CSPP1: variants seen among roughly 807,000 people sequenced by gnomAD.
The protein encoded by CSPP1 is centrosome and spindle pole-associated protein 1.
A neutral mutation model predicts 164.4 loss-of-function variants in CSPP1; 126 were observed. That is an observed-to-expected ratio of 0.77 (90% CI 0.66 to 0.89). The LOEUF is 0.89. Among genes scored for constraint, CSPP1 ranks in the 40% least tolerant of loss-of-function variants. CSPP1 has a pLI of 0.00. For missense variants in CSPP1, 1,395 were observed against 1,449.8 expected, an observed-to-expected ratio of 0.96 and a Z score of 0.61; for synonymous variants, 472 against 476.7, an observed-to-expected ratio of 0.99 and a Z score of 0.13.
In CSPP1 at chr8:67,074,309, CAA is replaced by C. The variant is rs766020802; in HGVS notation, c.59_60del (p.Lys20SerfsTer6). 132 of 1,609,964 alleles carry C rather than the reference CAA, an allele frequency of 8.2e-5. No homozygotes were observed. Among genetic ancestry groups the C allele is most frequent in the Non-Finnish European group, 1.1e-4 (128 of 1,177,934 alleles). On this transcript the variant is annotated frameshift_variant, in exon 2 of 31. Coordinates refer to ENST00000678616, the MANE Select transcript of CSPP1 (RefSeq NM_001382391.1). LOFTEE classifies it high-confidence loss of function. The stretch of plus-strand genomic sequence containing the variant: ...AGCAAAAAGCCAGATTGGCCGAAGA[CAA>C]AGCAGAGTTGGAAAGTGATCCACCT... ...EEQKARLAED[K>X]AELESDPPYM... is the part of the protein sequence containing the mutation.
At chr8:67,107,829 T>C (rs1563574240) in intron 9 of CSPP1, among the ~76,000 whole-genome samples, 1 of 152,168 alleles carries the variant, frequency 6.6e-6, no homozygotes, top group South Asian at 2.1e-4. Flanking sequence ...AAGAGAACCA[T>C]AGGTAATTTA....
intron 15 of CSPP1, 47 bp from the exon 16 acceptor site, chr8:67,131,900 TCTTG>T (rs1821306063): frequency 1.3e-6 from 2 of 1,489,852 alleles, no homozygotes; most frequent in Admixed American, 2.1e-5. Context: ...TGTATTTTCT[TCTTG>T]CTTTGTCGTC....
chr8:67,183,475 A>G (rs962616585), intron 28 of CSPP1, among the ~76,000 whole-genome samples: 2 of 152,246 alleles, frequency 1.3e-5, no homozygotes, highest in African/African-American at 4.8e-5. Flanking sequence ...GAAATAAACT[A>G]GAAATCAATA....
chr8:67,095,893 G>T (rs1812655502), intron 7 of CSPP1, among the ~76,000 whole-genome samples, 161 bp downstream of exon 7: 1 of 152,098 alleles, frequency 6.6e-6, no homozygotes, highest in Non-Finnish European at 1.5e-5. Context: ...ATTATTTTAT[G>T]TCCCACTGAG....
At chr8:67,184,075 A>G (rs1362493469) in intron 28 of CSPP1, among the ~76,000 whole-genome samples, 1 of 151,866 alleles carries the variant, frequency 6.6e-6, no homozygotes, top group Non-Finnish European at 1.5e-5. Context: ...CTGGTCTCGA[A>G]CTCCTGACCT....
chr8:67,190,778 TC>T lies in CSPP1; in HGVS notation c.3330+24del. 6.5e-7 allele frequency: 1 copy of T among 1,535,402 alleles called. No homozygotes were observed. The highest frequency in any genetic ancestry group is 9.0e-7 in the Non-Finnish European group (1 of 1,108,238). On this transcript the variant is annotated intron_variant, in intron 29 of 30. Coordinates refer to ENST00000678616, the MANE Select transcript of CSPP1 (RefSeq NM_001382391.1). ...AGACATTGTATGTATGAGACTTTTCTCCCCCTTTTCAACTTAGAAGAATGAG... is the reference window on the plus strand; with the variant it reads ...AGACATTGTATGTATGAGACTTTTCTCCCCTTTTCAACTTAGAAGAATGAG...
chr8:67,083,782 A>G (rs1809823227), intron 3 of CSPP1: 1 of 151,840 alleles, frequency 6.6e-6, no homozygotes, highest in African/African-American at 2.4e-5. Flanking sequence ...CCTTGGCACA[A>G]TAGAACATCC....
At chr8:67,133,504 CTTAAT>C (rs1440013215) in intron 16 of CSPP1, 1 of 152,164 alleles carries the variant, frequency 6.6e-6, no homozygotes, top group African/African-American at 2.4e-5. Context: ...GCTACGTAAA[CTTAAT>C]TTAAAAATAC....
chr8:67,101,100 T>C (rs755079759), intron 7 of CSPP1, among the ~76,000 whole-genome samples: 1 of 152,314 alleles, frequency 6.6e-6, no homozygotes, highest in Non-Finnish European at 1.5e-5. Context: ...CAGGAGATGC[T>C]TAATTCCTCC....
intron 1 of CSPP1, among the ~76,000 whole-genome samples, chr8:67,069,800 C>CAGGT (rs1806339793): frequency 6.6e-6 from 1 of 151,814 alleles, no homozygotes; most frequent in Non-Finnish European, 1.5e-5. Flanking sequence ...GTTGGGATTA[C>CAGGT]AGGTATATAC....
At chr8:67,093,386 C>T (rs1279350152) in intron 5 of CSPP1, among the ~76,000 whole-genome samples, 157 bp from the exon 6 acceptor site, 1 of 152,206 alleles carries the variant, frequency 6.6e-6, no homozygotes, top group Non-Finnish European at 1.5e-5. Flanking sequence ...TCTCCCATGC[C>T]TTTCAGTGAC....
At chr8:67,161,761 G>T (rs192708888) in intron 21 of CSPP1, 50 bp from the exon 22 acceptor site, 82 of 956,608 alleles carry the variant, frequency 8.6e-5, no homozygotes, top group Non-Finnish European at 4.4e-5. Flanking sequence ...GTATATATGT[G>T]TGTGAGTGTG....
intron 18 of CSPP1, 36 bp from the exon 19 acceptor site, chr8:67,153,988 G>T: frequency 1.1e-6 from 1 of 909,538 alleles, no homozygotes; most frequent in Middle Eastern, 2.2e-4. Flanking sequence ...CTAAGCATTG[G>T]CTAATAGTAT....
chr8:67,113,267 A>C (rs925000342), intron 10 of CSPP1, among the ~76,000 whole-genome samples: 16 of 152,206 alleles, frequency 1.1e-4, no homozygotes, highest in Non-Finnish European at 2.1e-4. Context: ...AAACAACAAC[A>C]ACAAAATTAG....
Position 67,195,616 on chromosome 8 carries a change from T to C in CSPP1, c.*23T>C. 1 of 1,600,502 alleles carries C rather than the reference T, an allele frequency of 6.2e-7. No homozygotes were observed. Among genetic ancestry groups the C allele is most frequent in the Non-Finnish European group, 8.6e-7 (1 of 1,168,458 alleles). ...TAAAATAAACCTGTACTGGACCCAG[T>C]AGTGCCTTTTAAGGTGAAAGGAATG... On this transcript the variant is annotated 3_prime_UTR_variant, in exon 31 of 31. Coordinates refer to ENST00000678616, the MANE Select transcript of CSPP1 (RefSeq NM_001382391.1).
chr8:67,125,437 T>C (rs1819865558), intron 15 of CSPP1, among the ~76,000 whole-genome samples: 1 of 152,172 alleles, frequency 6.6e-6, no homozygotes, highest in Non-Finnish European at 1.5e-5. Context: ...CTTTGAGTTT[T>C]TCTTACTTGG....
intron 1 of CSPP1, among the ~76,000 whole-genome samples, chr8:67,073,860 T>G (rs1240289720): frequency 6.6e-6 from 1 of 152,224 alleles, no homozygotes; most frequent in Non-Finnish European, 1.5e-5. Flanking sequence ...TTGTGTGTTC[T>G]TGGTATTATT....
At chr8:67,156,689 A>G (rs1464685603) in intron 19 of CSPP1, among the ~76,000 whole-genome samples, 3 of 152,236 alleles carry the variant, frequency 2.0e-5, no homozygotes, top group Non-Finnish European at 4.4e-5. Context: ...GTGCACAAAG[A>G]TGGTAAGAAA....
chr8:67,127,526 T>C lies in CSPP1; in HGVS notation c.1698-4425T>C, dbSNP rs1010472035. Among the ~76,000 whole-genome samples the C allele has an allele frequency of 2.6e-5, 4 of 152,286 alleles. No individual in the cohort carries two copies. In the South Asian group the frequency reaches 8.3e-4, roughly 32 times the overall value. ...TCATAGTCCCCAGCTCCAAATACCA[T>C]CAGAATAGTACGCAGGGCTTTGATG... On this transcript the variant is annotated intron_variant, in intron 15 of 30. Coordinates refer to ENST00000678616, the MANE Select transcript of CSPP1 (RefSeq NM_001382391.1).
Sources: gnomAD v4.1 joint callset for allele counts (sites outside exome capture counted in the v4.1 genomes callset) on GRCh38, gnomAD v4.1.1 for gene constraint, MANE v1.5 for transcripts, NCBI Gene and HGNC (gene_info 2026-07-23, HGNC 2026-07-21) for gene names.